Variants in SASH1 observed in about 807,000 individuals in gnomAD.
SASH1 encodes SAM and SH3 domain-containing protein 1.
In SASH1, 44 loss-of-function variants were observed where a neutral mutation model predicts 125.2. The observed-to-expected ratio is 0.35, with a 90% CI of 0.28 to 0.45. SASH1 has a LOEUF of 0.45. Among genes scored for constraint, SASH1 ranks in the 20% least tolerant of loss-of-function variants. The pLI is 1.00. For missense variants in SASH1, 1,426 were observed against 1,614.5 expected (o/e 0.88, Z 2.00); for synonymous variants, 639 against 649.1 (o/e 0.98, Z 0.24).
chr6:148,522,324 TATC>T (rs2308285), intron 10 of SASH1, among the ~76,000 whole-genome samples: 34,189 of 152,122 alleles, frequency 0.22, 4,018 homozygotes, highest in African/African-American at 0.31. Context: ...ATAAGTGTTC[TATC>T]ATCTTACAAT....
intron 1 of SASH1, among the ~76,000 whole-genome samples, chr6:148,346,936 CAT>C (rs1201276494): frequency 6.6e-6 from 1 of 152,188 alleles, no homozygotes; most frequent in African/African-American, 2.4e-5. Flanking sequence ...CTCCCTGTGA[CAT>C]GTGTAGACTT....
the SASH1 span, among the ~76,000 whole-genome samples, chr6:148,198,225 C>G: frequency 1.3e-5 from 2 of 152,206 alleles, no homozygotes; most frequent in Non-Finnish European, 2.9e-5. Context: ...CCTTGCCTCT[C>G]CTTTGCCTTC....
At chr6:148,193,657 ACAT>A in the SASH1 span, among the ~76,000 whole-genome samples, 1 of 152,204 alleles carries the variant, frequency 6.6e-6, no homozygotes, top group Non-Finnish European at 1.5e-5. Flanking sequence ...AATATCAAGG[ACAT>A]CATGCTGGGC....
chr6:148,403,247 TA>T (rs1458694856), intron 2 of SASH1, among the ~76,000 whole-genome samples: 2 of 151,446 alleles, frequency 1.3e-5, no homozygotes, highest in Non-Finnish European at 2.9e-5. Context: ...TAAAGCATGA[TA>T]TAATATAGAA....
intron 2 of SASH1, among the ~76,000 whole-genome samples, chr6:148,426,860 C>T (rs1775845441): frequency 6.6e-6 from 1 of 152,114 alleles, no homozygotes; most frequent in Non-Finnish European, 1.5e-5. Flanking sequence ...AGTGGTCGGG[C>T]ACGGTGGCTC....
chr6:148,497,894 G>T (rs1258061385), intron 8 of SASH1, among the ~76,000 whole-genome samples: 1 of 152,038 alleles, frequency 6.6e-6, no homozygotes, highest in Non-Finnish European at 1.5e-5. Context: ...AATAATCTAG[G>T]GCCCTACAGT....
intron 8 of SASH1, among the ~76,000 whole-genome samples, chr6:148,488,816 AT>A (rs1209569039): frequency 6.6e-6 from 1 of 151,750 alleles, no homozygotes; most frequent in Admixed American, 6.6e-5. Context: ...GTCTTCAGTT[AT>A]GTTGTTTTGC....
chr6:148,479,451 TC>T (rs1353020800), intron 7 of SASH1: 2 of 200,910 alleles, frequency 1.0e-5, no homozygotes, highest in African/African-American at 2.3e-5. Context: ...ACATGCCTAA[TC>T]CAGCGTTCTT....
intron 1 of SASH1, among the ~76,000 whole-genome samples, chr6:148,331,197 A>C (rs1011775154): frequency 6.6e-6 from 1 of 152,188 alleles, no homozygotes; most frequent in African/African-American, 2.4e-5. Flanking sequence ...TGTGTTACCA[A>C]ATTTTTCCGA....
At chr6:148,364,080 C>G (rs1234236736) in intron 1 of SASH1, among the ~76,000 whole-genome samples, 2 of 152,134 alleles carry the variant, frequency 1.3e-5, no homozygotes, top group Non-Finnish European at 2.9e-5. Context: ...AATTTCCCAG[C>G]TCATCGGCAG....
the SASH1 span, among the ~76,000 whole-genome samples, chr6:148,213,844 G>A: frequency 6.6e-6 from 1 of 152,054 alleles, no homozygotes; most frequent in Non-Finnish European, 1.5e-5. Flanking sequence ...TCTCCAGCTG[G>A]CATCTTAACT....
At chr6:148,412,887 A>G (rs1784682535) in intron 2 of SASH1, among the ~76,000 whole-genome samples, 1 of 152,224 alleles carries the variant, frequency 6.6e-6, no homozygotes, top group Non-Finnish European at 1.5e-5. Context: ...TGAAAAAAGA[A>G]AAGTCGTGTT....
intron 2 of SASH1, among the ~76,000 whole-genome samples, chr6:148,437,138 C>T (rs973865541): frequency 2.0e-5 from 3 of 152,196 alleles, no homozygotes; most frequent in Non-Finnish European, 4.4e-5. Context: ...CTCTTCTGCT[C>T]TTTTGTCATT....
upstream of SASH1, among the ~76,000 whole-genome samples, chr6:148,339,437 G>A (rs2114621544): frequency 6.6e-6 from 1 of 151,876 alleles, no homozygotes; most frequent in Non-Finnish European, 1.5e-5. Flanking sequence ...AGGAAAAACA[G>A]CTTAAATATC....
the SASH1 span, among the ~76,000 whole-genome samples, chr6:148,205,074 T>C: frequency 6.6e-6 from 1 of 152,218 alleles, no homozygotes; most frequent in African/African-American, 2.4e-5. Context: ...GTATCAGTCA[T>C]CTTCAAGCAG....
chr6:148,529,264 C>T lies in SASH1; in HGVS notation c.1428+1668C>T, dbSNP rs73015054. 0.013 allele frequency among the ~76,000 whole-genome samples: 2,005 copies of T among 152,300 alleles called. 20 individuals are homozygous for T. The highest frequency in any genetic ancestry group is 0.021 in the Non-Finnish European group (1,450 of 68,024). On this transcript the variant is annotated intron_variant, in intron 12 of 19. Transcript: ENST00000367467. The surrounding 1 kb of genome is among the most constrained non-coding windows in gnomAD (Gnocchi z 4.2). ...AGAGGCCAGGGACGCTGCCAAACAT[C>T]TTAGCATGCACAGGACGGTCTGCAC...
At chr6:148,202,775 G>A in the SASH1 span, among the ~76,000 whole-genome samples, 5 of 152,108 alleles carry the variant, frequency 3.3e-5, no homozygotes, top group South Asian at 2.1e-4. Flanking sequence ...CCAACGTGGC[G>A]AAATTCTGTC....
In SASH1 at chr6:148,390,204, A is replaced by T; in HGVS notation, c.227A>T (p.Asp76Val). 1 of 1,613,302 alleles carries T rather than the reference A, an allele frequency of 6.2e-7. No homozygotes were observed. Among genetic ancestry groups the T allele is most frequent in the Non-Finnish European group, 8.5e-7 (1 of 1,179,810 alleles). The change falls in exon 2 of 20, where the codon GAC (aspartate) becomes GTC (valine). Residue 76 changes from aspartate (D) to valine (V), a missense_variant. Coordinates refer to ENST00000367467, the MANE Select transcript of SASH1 (RefSeq NM_015278.5). The part of the protein sequence containing the change: ...YADYYNTCFS[D>V]VCERMEELRK... ...GATTATTACAACACCTGTTTCTCCG[A>T]CGTGTGCGAGAGGATGGAGGAGCTG... is the stretch of plus-strand genomic sequence containing the variant.
intron 7 of SASH1, among the ~76,000 whole-genome samples, chr6:148,477,255 G>C (rs893643854): frequency 2.0e-5 from 3 of 151,992 alleles, no homozygotes; most frequent in African/African-American, 7.3e-5. Context: ...AGCAAACAAA[G>C]CAATAGGCAA....
Sources: allele counts gnomAD v4.1 joint callset (sites outside exome capture counted in the v4.1 genomes callset), GRCh38; gene constraint gnomAD v4.1.1; non-coding constraint Gnocchi (gnomAD v3.1); transcripts MANE v1.5; gene names NCBI Gene and HGNC (gene_info 2026-07-23, HGNC 2026-07-21).